Variants in CA1 observed in about 807,000 individuals in gnomAD.
The protein encoded by CA1 is carbonic anhydrase 1, also known as carbonate dehydratase I.
A neutral mutation model predicts 28.8 loss-of-function variants in CA1; 27 were observed. The ratio of observed to expected loss-of-function variants is 0.94; its 90% CI spans 0.69 to 1.29. The LOEUF is 1.29. CA1 is among the 50% of genes most tolerant of loss of function. The pLI is 0.00. For missense variants in CA1, 335 were observed against 310.5 expected (o/e 1.08, Z -0.59); for synonymous variants, 121 against 108.8 (o/e 1.11, Z -0.70).
intron 4 of CA1, among the ~76,000 whole-genome samples, chr8:85,335,815 A>C (rs1231708854): frequency 6.6e-6 from 1 of 152,196 alleles, no homozygotes; most frequent in Non-Finnish European, 1.5e-5. Flanking sequence ...CCCAATTAAC[A>C]GATTTCTGCA....
At chr8:85,360,751 C>T (rs548414043) in intron 1 of CA1, among the ~76,000 whole-genome samples, 1 of 152,288 alleles carries the variant, frequency 6.6e-6, no homozygotes, top group Admixed American at 6.5e-5. Flanking sequence ...TTTCTCATCT[C>T]CGGTAACTGT....
At chr8:85,358,820 G>C (rs1041747715) in intron 1 of CA1, among the ~76,000 whole-genome samples, 2 of 152,340 alleles carry the variant, frequency 1.3e-5, no homozygotes, top group Admixed American at 1.3e-4. Context: ...AGGAAATACT[G>C]CTTGGAGAGC....
rs1450306819 is a variant in CA1 at position 85,327,877 on chromosome 8, A to G, written c.*683T>C. On this transcript the variant is annotated 3_prime_UTR_variant, in exon 8 of 8. Coordinates refer to ENST00000523022, the MANE Select transcript of CA1 (RefSeq NM_001128831.4). ...TTTAAAGTAAAGATTCTCCATGCAA[A>G]CTAACTAGTTGTAATAATGGCAGAG... The G allele has an allele frequency of 6.6e-6, 1 of 152,174 alleles. No individual in the cohort carries two copies. The highest frequency in any genetic ancestry group is 1.5e-5 in the Non-Finnish European group (1 of 68,024). 9.4% of individuals were successfully genotyped at this position (152,174 alleles called of 1,614,324 possible). A position where few individuals can be genotyped will look rare whatever the true frequency, so the allele number is the denominator to read the frequency against.
At chr8:85,336,693 A>C (rs1489356389) in intron 4 of CA1, among the ~76,000 whole-genome samples, 1 of 152,186 alleles carries the variant, frequency 6.6e-6, no homozygotes, top group Admixed American at 6.5e-5. Context: ...TATCAAGGTA[A>C]CAGCTTTTGA....
At chr8:85,373,173 C>T (rs994844171) in intron 1 of CA1, among the ~76,000 whole-genome samples, 3 of 152,186 alleles carry the variant, frequency 2.0e-5, no homozygotes, top group Admixed American at 2.0e-4. Flanking sequence ...GTAAAAGTTA[C>T]AGCTACAGTG....
At chr8:85,370,057 A>T (rs568591322) in intron 1 of CA1, among the ~76,000 whole-genome samples, 1 of 152,226 alleles carries the variant, frequency 6.6e-6, no homozygotes, top group African/African-American at 2.4e-5. Context: ...ATGGGGGGGA[A>T]GTTGAACCAG....
At chr8:85,353,568 G>T (rs892388401) in intron 1 of CA1, among the ~76,000 whole-genome samples, 1 of 151,700 alleles carries the variant, frequency 6.6e-6, no homozygotes, top group Non-Finnish European at 1.5e-5. Context: ...ATTAGAATTT[G>T]GCCCTATTAC....
At chr8:85,338,784 G>A (rs1224820138) in intron 2 of CA1, among the ~76,000 whole-genome samples, 1 of 146,856 alleles carries the variant, frequency 6.8e-6, no homozygotes, top group East Asian at 2.0e-4. Context: ...TGCGCTCTTG[G>A]CTCACTGCAA....
Position 85,333,560 on chromosome 8 carries a change from C to A in CA1, c.415G>T (p.Ala139Ser). 6.2e-7 allele frequency: 1 copy of A among 1,612,874 alleles called. No homozygotes were observed. Among genetic ancestry groups the A allele is most frequent in the Non-Finnish European group, 8.5e-7 (1 of 1,179,162 alleles). The change falls in exon 5 of 8, where the codon GCT becomes TCT. Residue 139 changes from alanine (A) to serine (S), a missense_variant. Coordinates refer to ENST00000523022, the MANE Select transcript of CA1 (RefSeq NM_001128831.4). ...ACACCAATAACTGCCAAACCATCAG[C>A]CTTTGAGGCAGCTTCAGCAAGGCTG... is the stretch of plus-strand genomic sequence containing the variant. The part of the protein sequence containing the change: ...YSSLAEAASK[A>S]DGLAVIGVLM...
chr8:85,364,010 A>C (rs542782613), intron 1 of CA1, among the ~76,000 whole-genome samples: 1 of 149,226 alleles, frequency 6.7e-6, no homozygotes, highest in Non-Finnish European at 1.5e-5. Context: ...TTTTTATTTT[A>C]TTTTTTTTTA....
At chr8:85,371,883 T>C (rs1246016095) in intron 1 of CA1, among the ~76,000 whole-genome samples, 1 of 152,158 alleles carries the variant, frequency 6.6e-6, no homozygotes, top group Non-Finnish European at 1.5e-5. Context: ...GCCTGTCTTC[T>C]ATGGATGATT....
At chr8:85,340,301 G>A (rs1444987536) in intron 2 of CA1, among the ~76,000 whole-genome samples, 1 of 152,118 alleles carries the variant, frequency 6.6e-6, no homozygotes, top group Admixed American at 6.6e-5. Context: ...AATCTACTCT[G>A]CCTGTGCTCT....
chr8:85,335,554 C>G (rs1355403654), intron 4 of CA1, among the ~76,000 whole-genome samples: 1 of 152,104 alleles, frequency 6.6e-6, no homozygotes, highest in East Asian at 1.9e-4. Flanking sequence ...GGCTGCATTG[C>G]CTCTCAAACC....
intron 1 of CA1, among the ~76,000 whole-genome samples, chr8:85,349,590 C>T (rs1454944649): frequency 6.6e-6 from 1 of 152,100 alleles, no homozygotes; most frequent in Non-Finnish European, 1.5e-5. Flanking sequence ...GGGTATGGAC[C>T]ACCATTATCT....
chr8:85,334,187 T>G (rs115789179), intron 4 of CA1, among the ~76,000 whole-genome samples: 469 of 152,348 alleles, frequency 3.1e-3, no homozygotes, highest in African/African-American at 0.011. Flanking sequence ...CTAATAGATG[T>G]TTCAGACTTA....
Position 85,331,091 on chromosome 8 carries a change from T to A in CA1, c.514-1247A>T, listed in dbSNP as rs562557359. 2.8e-4 allele frequency among the ~76,000 whole-genome samples: 42 copies of A among 152,304 alleles called. No homozygotes were observed. The Middle Eastern group carries it at 0.01, about 37-fold the overall frequency. On this transcript the variant is annotated intron_variant, in intron 6 of 7. Coordinates refer to ENST00000523022, the MANE Select transcript of CA1 (RefSeq NM_001128831.4). ...TGAAGTGGTCTGGGCCTAGTCTTTT[T>A]GTTTAATAGATACATTTTGACTATT...
chr8:85,332,625 T>A (rs1808456516), intron 5 of CA1, 73 bp from the exon 6 acceptor site: 1 of 1,143,928 alleles, frequency 8.7e-7, no homozygotes. Context: ...AAATTTTGAA[T>A]TTTTTTTCAA....
intron 2 of CA1, chr8:85,341,220 G>A (rs1414946615): frequency 1.2e-5 from 2 of 165,080 alleles, no homozygotes; most frequent in Admixed American, 6.2e-5. Context: ...TTTAATTAAG[G>A]TATGTAGATT....
intron 5 of CA1, 93 bp from the exon 6 acceptor site, chr8:85,332,645 GACAAGAGGT>G (rs1178717319): frequency 1.1e-6 from 1 of 877,798 alleles, no homozygotes; most frequent in Non-Finnish European, 1.9e-6. Context: ...ATTAACAACT[GACAAGAGGT>G]AAGGTATTTT....
Sources: gnomAD v4.1 joint callset for allele counts (sites outside exome capture counted in the v4.1 genomes callset) on GRCh38, gnomAD v4.1.1 for gene constraint, MANE v1.5 for transcripts, NCBI Gene and HGNC (gene_info 2026-07-23, HGNC 2026-07-21) for gene names.